Variants in EIF5 observed in about 807,000 individuals in gnomAD.
The protein encoded by EIF5 is eukaryotic translation initiation factor 5.
EIF5 carries 10 observed loss-of-function variants against 48.3 expected under a neutral mutation model. That is an observed-to-expected ratio of 0.21 (90% CI 0.13 to 0.35). The LOEUF is 0.35. Among genes scored for constraint, EIF5 ranks in the 10% least tolerant of loss-of-function variants. The pLI is 1.00. For missense variants in EIF5, 397 were observed against 533.2 expected, an observed-to-expected ratio of 0.74 and a Z score of 2.51; for synonymous variants, 237 against 173.1, an observed-to-expected ratio of 1.37 and a Z score of -2.90.
At chr14:103,338,962 CT>C in intron 8 of EIF5, 69 bp downstream of exon 8, 1 of 1,557,030 alleles carries the variant, frequency 6.4e-7, no homozygotes, top group Non-Finnish European at 8.7e-7. Flanking sequence ...ATATATGATA[CT>C]TTAGCAGTGT....
intron 6 of EIF5, chr14:103,338,046 C>T (rs2089309629): frequency 3.4e-6 from 2 of 580,326 alleles, no homozygotes; most frequent in Non-Finnish European, 6.5e-6. Context: ...ATCCTTAGGG[C>T]CACCTCTCCC....
rs1284697216 is a variant in EIF5, at chr14:103,338,769, C to A, written c.620C>A (p.Thr207Lys). 6.2e-7 allele frequency: 1 copy of A among 1,614,096 alleles called. No individual in the cohort carries two copies. The highest frequency in any genetic ancestry group is 8.5e-7 in the Non-Finnish European group (1 of 1,180,028). Residue 207 changes from threonine (T) to lysine (K), a missense_variant, in exon 8 of 12, where the codon ACA becomes AAA. By Grantham distance (78) the Thr-to-Lys change is moderately conservative. This residue lies in a region of EIF5 where 126 missense variants were observed against 141.9 expected (regional missense o/e 0.89). Coordinates refer to ENST00000216554, the MANE Select transcript of EIF5 (RefSeq NM_001969.5). ...GAGGATGATGACTGGGGAGAAGATA[C>A]AACTGAGGAAGCTCAAAGGCGTCGA... ...EEEDDDWGED[T>K]TEEAQRRRMD... is the part of the protein sequence containing the mutation.
Position 103,344,951 on chromosome 14 carries a change from C to A in EIF5, c.*3899C>A, listed in dbSNP as rs749796288. ...GATGAAAAAAGGTATAGTAGACATA[C>A]ACTAACCAAAAATGTAGCTCTTTGA... On this transcript the variant is annotated 3_prime_UTR_variant, in exon 12 of 12. Coordinates refer to ENST00000216554, the MANE Select transcript of EIF5 (RefSeq NM_001969.5). The A allele has an allele frequency of 7.9e-5, 12 of 152,092 alleles. No individual in the cohort carries two copies. The highest frequency in any genetic ancestry group is 1.6e-4 in the Non-Finnish European group (11 of 68,040). The allele number at this position is 152,092 out of a possible 1,614,324, so 9.4% of individuals were successfully genotyped here.
At position 103,335,915 on chromosome 14, in the gene EIF5, C is replaced by G; in HGVS notation, c.55C>G (p.Pro19Ala). ...AGACCAGTTCTATCGCTACAAGATG[C>G]CCCGTCTGATTGCCAAGGTAATAAA... is the stretch of plus-strand genomic sequence containing the variant. ...VSDQFYRYKM[P>A]RLIAKVEGKG... Residue 19 changes from proline to alanine, a missense_variant, in exon 3 of 12, where the codon CCC (proline) becomes GCC (alanine). Physicochemically the swap from Pro to Ala is conservative, Grantham distance 27. This residue lies in a region of EIF5 where 108 missense variants were observed against 188.3 expected (regional missense o/e 0.57). Coordinates refer to ENST00000216554, the MANE Select transcript of EIF5 (RefSeq NM_001969.5). 1.9e-6 allele frequency: 3 copies of G among 1,614,172 alleles called. No homozygotes were observed. The highest frequency in any genetic ancestry group is 2.5e-6 in the Non-Finnish European group (3 of 1,180,026).
intron 10 of EIF5, 135 bp downstream of exon 10, chr14:103,339,938 A>G: frequency 9.8e-7 from 1 of 1,018,132 alleles, no homozygotes; most frequent in Non-Finnish European, 1.4e-6. Flanking sequence ...AGCTCCCTGA[A>G]ACCTCCACGT....
intron 6 of EIF5, 138 bp from the exon 7 acceptor site, chr14:103,338,189 T>TAG: frequency 8.4e-7 from 1 of 1,195,628 alleles, no homozygotes; most frequent in Non-Finnish European, 1.2e-6. Context: ...TGAAGCCTCT[T>TAG]AGGTAGCATT....
At chr14:103,336,153 A>G (rs1331161522) in intron 4 of EIF5, 36 bp downstream of exon 4, 3 of 1,593,192 alleles carry the variant, frequency 1.9e-6, no homozygotes, top group Non-Finnish European at 1.7e-6. Context: ...AGGGCATATT[A>G]TGGATAGAGT....
At position 103,336,739 on chromosome 14, in the gene EIF5, C is replaced by T; in HGVS notation, c.217C>T (p.Arg73Cys). The change falls in exon 5 of 12, where the codon CGT becomes TGT. Residue 73 changes from arginine to cysteine, a missense_variant. Physicochemically the swap from Arg to Cys is radical, Grantham distance 180 (BLOSUM62 -3). Around this residue, in one of 4 missense-constraint regions of EIF5, gnomAD observed 108 missense variants for 188.3 expected, o/e 0.57. Transcript: ENST00000216554. Reference sequence around the variant, plus strand: ...GACCCAGTTTGATGTTAAGAATGACCGTTACATTGTCAATGGATCTCATGA... The same window carrying T: ...GACCCAGTTTGATGTTAAGAATGACTGTTACATTGTCAATGGATCTCATGA... ...AQTQFDVKNDRYIVNGSHEAN... is the reference protein window; with the variant it reads ...AQTQFDVKNDCYIVNGSHEAN... 1 of 1,613,968 alleles carries T rather than the reference C, an allele frequency of 6.2e-7. No homozygotes were observed. The highest frequency in any genetic ancestry group is 1.1e-5 in the South Asian group (1 of 91,030).
intron 4 of EIF5, 192 bp downstream of exon 4, chr14:103,336,309 C>G (rs543227191): frequency 7.6e-6 from 5 of 660,088 alleles, no homozygotes; most frequent in East Asian, 2.8e-5. Flanking sequence ...TGGCTGGGCG[C>G]GTTGGCTCAC....
chr14:103,344,757 G>A lies in EIF5; in HGVS notation c.*3705G>A, dbSNP rs902976738. The A allele has an allele frequency of 9.9e-5, 15 of 152,092 alleles. No homozygotes were observed. The highest frequency in any genetic ancestry group is 7.9e-4 in the Admixed American group (12 of 15,250). 9.4% of individuals were successfully genotyped at this position (152,092 alleles called of 1,614,324 possible). A position where few individuals can be genotyped will look rare whatever the true frequency, so the allele number is the denominator to read the frequency against. On this transcript the variant is annotated 3_prime_UTR_variant, in exon 12 of 12. Coordinates refer to ENST00000216554, the MANE Select transcript of EIF5 (RefSeq NM_001969.5). ...AGTAGAAAACACAATTAACTAAAAA[G>A]CAGGGACATCTGAAAGAGACGTATT...
At chr14:103,338,123 C>T in intron 6 of EIF5, 1 of 746,244 alleles carries the variant, frequency 1.3e-6, no homozygotes, top group South Asian at 1.7e-5. Context: ...TATTTTGTGT[C>T]ACTCCATTCT....
chr14:103,336,399 A>C lies in EIF5; in HGVS notation c.155-278A>C, dbSNP rs1027877765. 7.1e-6 allele frequency: 4 copies of C among 559,942 alleles called. No individual in the cohort carries two copies. In the African/African-American group the frequency reaches 7.5e-5, roughly 11 times the overall value. The allele number at this position is 559,942 out of a possible 1,614,324, so 34.7% of individuals were successfully genotyped here. A position where few individuals can be genotyped will look rare whatever the true frequency, so the allele number is the denominator to read the frequency against. On this transcript the variant is annotated intron_variant, in intron 4 of 11. Coordinates refer to ENST00000216554, the MANE Select transcript of EIF5 (RefSeq NM_001969.5). ...AGTTCTAGACCAGCCTAGCCAACATAGTGAAATCCTGAGTCTACTACTAAT... is the reference window on the plus strand; with the variant it reads ...AGTTCTAGACCAGCCTAGCCAACATCGTGAAATCCTGAGTCTACTACTAAT...
At chr14:103,336,947 A>T in intron 5 of EIF5, 98 bp downstream of exon 5, 1 of 1,452,300 alleles carries the variant, frequency 6.9e-7, no homozygotes, top group Non-Finnish European at 9.2e-7. Context: ...ATGTAATTTT[A>T]AATCAAACAC....
chr14:103,334,916 C>G (rs1364114465), intron 2 of EIF5: 1 of 152,186 alleles, frequency 6.6e-6, no homozygotes, highest in East Asian at 1.9e-4. Context: ...GGCTGTGCAC[C>G]CTCCGGGGCC....
Position 103,342,964 on chromosome 14 carries a change from A to G in EIF5, c.*1912A>G, listed in dbSNP as rs1422247100. 1 of 152,642 alleles carries G rather than the reference A, an allele frequency of 6.6e-6. No homozygotes were observed. Among genetic ancestry groups the G allele is most frequent in the Non-Finnish European group, 1.5e-5 (1 of 68,038 alleles). The allele number at this position is 152,642 out of a possible 1,614,324, so 9.5% of individuals were successfully genotyped here. ...TTCTACTTTTAATCTGAGGGAAAAC[A>G]TGTTCAGGGCTTCTAGAACACTAAA... On this transcript the variant is annotated 3_prime_UTR_variant, in exon 12 of 12. Coordinates refer to ENST00000216554, the MANE Select transcript of EIF5 (RefSeq NM_001969.5).
At chr14:103,340,780 T>A (rs1003372686) in intron 11 of EIF5, among the ~76,000 whole-genome samples, 183 bp from the exon 12 acceptor site, 9 of 152,196 alleles carry the variant, frequency 5.9e-5, no homozygotes, top group African/African-American at 2.2e-4. Context: ...AAAAAAACTT[T>A]AAAAATGCTC....
intron 6 of EIF5, chr14:103,337,448 AAAAAC>A (rs2089300654): frequency 5.8e-6 from 3 of 517,352 alleles, no homozygotes; most frequent in African/African-American, 3.9e-5. Context: ...CTAAAAACAC[AAAAAC>A]TAGCTTAGCA....
chr14:103,341,167 T>C lies in EIF5; in HGVS notation c.*115T>C. 2 of 884,230 alleles carry C rather than the reference T, an allele frequency of 2.3e-6. No homozygotes were observed. Among genetic ancestry groups the C allele is most frequent in the Non-Finnish European group, 3.6e-6 (2 of 549,216 alleles). The allele number at this position is 884,230 out of a possible 1,614,324, so 54.8% of individuals were successfully genotyped here. A position where few individuals can be genotyped will look rare whatever the true frequency, so the allele number is the denominator to read the frequency against. On this transcript the variant is annotated 3_prime_UTR_variant, in exon 12 of 12. Transcript: ENST00000216554. ...AAATGGCTTAACATCATGCTACACT[T>C]TACACTAAAAATCTATTACTGTGAG...
intron 4 of EIF5, chr14:103,336,461 G>GCC (rs1156333174): frequency 1.7e-6 from 1 of 573,812 alleles, no homozygotes; most frequent in Non-Finnish European, 3.0e-6. Flanking sequence ...TGCGCTTGTA[G>GCC]TCCCAGCTAC....
Sources: gnomAD v4.1 joint callset for allele counts (sites outside exome capture counted in the v4.1 genomes callset) on GRCh38, gnomAD v4.1.1 for gene constraint, gnomAD v4.1.1 regional missense constraint, MANE v1.5 for transcripts, NCBI Gene and HGNC (gene_info 2026-07-23, HGNC 2026-07-21) for gene names.